HYDIN: variants seen among roughly 807,000 people sequenced by gnomAD.
HYDIN encodes HYDIN axonemal central pair apparatus protein.
A neutral mutation model predicts 403.9 loss-of-function variants in HYDIN; 132 were observed. The observed-to-expected ratio is 0.33, with a 90% CI of 0.28 to 0.38. HYDIN has a LOEUF of 0.38. Among genes scored for constraint, HYDIN ranks in the 10% least tolerant of loss-of-function variants. HYDIN has a pLI of 1.00. For missense variants in HYDIN, 2,827 were observed against 5,009.5 expected, an observed-to-expected ratio of 0.56 and a Z score of 13.15; for synonymous variants, 1,202 against 1,891.7, an observed-to-expected ratio of 0.64 and a Z score of 9.46.
chr16:71,203,300 A>AATTT (rs1156307971), intron 1 of HYDIN, among the ~76,000 whole-genome samples: 1 of 152,132 alleles, frequency 6.6e-6, no homozygotes, highest in African/African-American at 2.4e-5. Context: ...CGGACTAATA[A>AATTT]ATTTATTATT....
chr16:70,967,119 C>T (rs1774283), intron 36 of HYDIN, among the ~76,000 whole-genome samples: 47 of 152,156 alleles, frequency 3.1e-4, no homozygotes, highest in African/African-American at 6.5e-4. Context: ...TCAAAGAGCA[C>T]GGCACTAAGG....
At chr16:70,810,315 G>A (rs1047841464) in intron 84 of HYDIN, among the ~76,000 whole-genome samples, 35 of 152,224 alleles carry the variant, frequency 2.3e-4, no homozygotes, top group Non-Finnish European at 5.9e-5. Flanking sequence ...TAGGAGGGCT[G>A]AAGCTTAGGC....
At chr16:70,936,823 C>T (rs577865458) in intron 44 of HYDIN, among the ~76,000 whole-genome samples, 6 of 150,808 alleles carry the variant, frequency 4.0e-5, no homozygotes, top group South Asian at 2.1e-4. Flanking sequence ...TGAGCCACTG[C>T]GCCCAGCCAG....
At chr16:71,220,134 G>T (rs3094454) in intron 1 of HYDIN, among the ~76,000 whole-genome samples, 1 of 152,116 alleles carries the variant, frequency 6.6e-6, no homozygotes, top group Non-Finnish European at 1.5e-5. Flanking sequence ...TCAAAAATCT[G>T]TTACACAGAT....
chr16:71,074,821 G>C (rs891247370), intron 13 of HYDIN, among the ~76,000 whole-genome samples: 3 of 151,620 alleles, frequency 2.0e-5, no homozygotes, highest in African/African-American at 7.3e-5. Flanking sequence ...TCCACCTGGG[G>C]AAATAATGGT....
chr16:70,902,811 A>ATTT (rs2076420918), intron 52 of HYDIN, among the ~76,000 whole-genome samples: 10 of 33,402 alleles, frequency 3.0e-4, no homozygotes, highest in African/African-American at 1.5e-3. Context: ...ATATATATAT[A>ATTT]TATATATATA....
At chr16:70,845,389 G>T (rs929690231) in intron 75 of HYDIN, among the ~76,000 whole-genome samples, 9 of 94,616 alleles carry the variant, frequency 9.5e-5, no homozygotes, top group Non-Finnish European at 1.8e-4. Flanking sequence ...CAGGGATGAA[G>T]CCCACTTGAT....
intron 1 of HYDIN, among the ~76,000 whole-genome samples, chr16:71,205,699 T>C (rs1054026392): frequency 4.6e-5 from 7 of 152,180 alleles, no homozygotes; most frequent in African/African-American, 1.2e-4. Flanking sequence ...TACCCTGCCA[T>C]TGATAGCCAG....
At chr16:71,066,731 G>C in intron 15 of HYDIN, 1 of 366,562 alleles carries the variant, frequency 2.7e-6, no homozygotes, top group East Asian at 7.4e-5. Context: ...TTTTAACCCA[G>C]CTGCCTCTCT....
intron 2 of HYDIN, 52 bp from the exon 3 acceptor site, chr16:71,185,042 A>AC: frequency 7.1e-7 from 1 of 1,408,376 alleles, no homozygotes; most frequent in Non-Finnish European, 9.6e-7. Context: ...TGTACTGAAA[A>AC]AGTGTTTTCA....
intron 83 of HYDIN, among the ~76,000 whole-genome samples, chr16:70,820,315 C>G (rs2791853): frequency 6.7e-6 from 1 of 150,326 alleles, no homozygotes; most frequent in Non-Finnish European, 1.5e-5. Flanking sequence ...TTCAGCCTCC[C>G]AAGTAGCTGG....
Position 70,804,781 on chromosome 16 carries a change from G to A in HYDIN, c.*2799C>T, listed in dbSNP as rs2143404004. Among the ~76,000 whole-genome samples the A allele has an allele frequency of 6.6e-6, 1 of 152,334 alleles. No individual in the cohort carries two copies. Among genetic ancestry groups the A allele is most frequent in the Admixed American group, 6.5e-5 (1 of 15,308 alleles). ...GCTGATCTAGTGATTAATGCTGAGT[G>A]TGCTGCAACCTGGGTTCGTTTTTGT... On this transcript the variant is annotated 3_prime_UTR_variant, in exon 86 of 86. Coordinates refer to ENST00000393567, the MANE Select transcript of HYDIN (RefSeq NM_001270974.2).
intron 43 of HYDIN, among the ~76,000 whole-genome samples, chr16:70,939,121 C>T (rs1033284635): frequency 3.3e-5 from 5 of 152,134 alleles, no homozygotes; most frequent in Non-Finnish European, 7.3e-5. Flanking sequence ...GCAGGAGAGT[C>T]AGTCAGAGAT....
At chr16:71,215,468 A>G (rs1454027764) in intron 1 of HYDIN, among the ~76,000 whole-genome samples, 3 of 152,198 alleles carry the variant, frequency 2.0e-5, no homozygotes, top group Non-Finnish European at 4.4e-5. Context: ...AAAGGATGTA[A>G]GCTCTTATGC....
At chr16:71,170,107 C>A (rs1290257617) in intron 5 of HYDIN, among the ~76,000 whole-genome samples, 1 of 152,136 alleles carries the variant, frequency 6.6e-6, no homozygotes, top group East Asian at 1.9e-4. Flanking sequence ...AAATGTAAGT[C>A]AGATTGTGTC....
intron 53 of HYDIN, among the ~76,000 whole-genome samples, chr16:70,897,547 G>A (rs557742104): frequency 6.7e-6 from 1 of 149,384 alleles, no homozygotes; most frequent in South Asian, 2.1e-4. Context: ...GACAGGATGT[G>A]TGTAGTGCCT....
chr16:70,909,316 G>A (rs889370245), intron 47 of HYDIN, among the ~76,000 whole-genome samples: 4 of 152,092 alleles, frequency 2.6e-5, no homozygotes, highest in African/African-American at 9.7e-5. Context: ...ATAAACATGT[G>A]TTTAATCTGC....
At chr16:70,972,098 C>T (rs2078750533) in intron 35 of HYDIN, among the ~76,000 whole-genome samples, 1 of 149,908 alleles carries the variant, frequency 6.7e-6, no homozygotes, top group Non-Finnish European at 1.5e-5. Context: ...GAAAAAAAAT[C>T]CACAATCTTG....
intron 5 of HYDIN, among the ~76,000 whole-genome samples, chr16:71,173,292 C>T (rs1480975621): frequency 6.6e-6 from 1 of 152,130 alleles, no homozygotes; most frequent in Non-Finnish European, 1.5e-5. Context: ...ACATTTAACT[C>T]AGTTAATTTT....
Sources: gnomAD v4.1 joint callset for allele counts (sites outside exome capture counted in the v4.1 genomes callset) on GRCh38, gnomAD v4.1.1 for gene constraint, MANE v1.5 for transcripts, NCBI Gene and HGNC (gene_info 2026-07-23, HGNC 2026-07-21) for gene names.